SYN3: variants seen among roughly 807,000 people sequenced by gnomAD.
SYN3 encodes synapsin-3.
Under a neutral mutation model 65.8 loss-of-function variants are expected in SYN3, and 35 were observed. That is an observed-to-expected ratio of 0.53 (90% CI 0.41 to 0.70). The LOEUF is 0.70. SYN3 is among the 30% of genes least tolerant of loss of function. SYN3 has a pLI of 0.00. For missense variants in SYN3, 680 were observed against 749.0 expected (o/e 0.91, Z 1.08); for synonymous variants, 270 against 292.9 (o/e 0.92, Z 0.80).
At chr22:32,737,746 G>A (rs5998604) in intron 6 of SYN3, among the ~76,000 whole-genome samples, 51,892 of 151,774 alleles carry the variant, frequency 0.34, 8,859 homozygotes, top group South Asian at 0.45. Context: ...ATATCTCCCA[G>A]TGCTCCTCTC....
At chr22:32,850,101 C>T (rs748021683) in intron 6 of SYN3, among the ~76,000 whole-genome samples, 1 of 149,508 alleles carries the variant, frequency 6.7e-6, no homozygotes, top group African/African-American at 2.5e-5. Context: ...CTTCTTGCAT[C>T]CTAGATAGTT....
At chr22:32,995,963 C>T (rs946689453) in intron 2 of SYN3, among the ~76,000 whole-genome samples, 1 of 151,910 alleles carries the variant, frequency 6.6e-6, no homozygotes, top group African/African-American at 2.4e-5. Flanking sequence ...TTTTTTTCCC[C>T]CTGAAGGAAA....
chr22:32,834,764 TATG>T (rs2047680845), intron 6 of SYN3, among the ~76,000 whole-genome samples: 1 of 152,024 alleles, frequency 6.6e-6, no homozygotes. Context: ...ACCCAGAAAA[TATG>T]ATTCCTATCT....
chr22:32,800,116 AC>A (rs1030594121), intron 6 of SYN3, among the ~76,000 whole-genome samples: 1 of 152,216 alleles, frequency 6.6e-6, no homozygotes, highest in Non-Finnish European at 1.5e-5. Flanking sequence ...ACCATCTCTC[AC>A]GAATTCTTCG....
intron 7 of SYN3, among the ~76,000 whole-genome samples, chr22:32,580,312 GGT>G (rs1569059467): frequency 6.6e-6 from 1 of 152,172 alleles, no homozygotes; most frequent in Non-Finnish European, 1.5e-5. Flanking sequence ...CACCTTCTGT[GGT>G]TTCAGTTACT....
rs2057672005 is a variant in SYN3 at position 32,509,777 on chromosome 22, C to T, written c.*3915G>A. On this transcript the variant is annotated 3_prime_UTR_variant, in exon 14 of 14. Transcript: ENST00000358763. ...TAGAGATGGGGTTTCACCGTGTTAG[C>T]CAGGATGGTCTCGATCTCCTGACCT... Among the ~76,000 whole-genome samples, 1 of 152,154 alleles carries T rather than the reference C, an allele frequency of 6.6e-6. No individual in the cohort carries two copies. Among genetic ancestry groups the T allele is most frequent in the Non-Finnish European group, 1.5e-5 (1 of 68,028 alleles).
At chr22:32,953,091 T>C (rs1156488152) in intron 3 of SYN3, among the ~76,000 whole-genome samples, 2 of 152,208 alleles carry the variant, frequency 1.3e-5, no homozygotes, top group Admixed American at 6.5e-5. Flanking sequence ...CACAACAACA[T>C]TGATAGAAGC....
At chr22:32,920,465 G>T (rs2050307695) in intron 4 of SYN3, among the ~76,000 whole-genome samples, 1 of 152,158 alleles carries the variant, frequency 6.6e-6, no homozygotes, top group Admixed American at 6.5e-5. Context: ...TGTCTGGGTT[G>T]CGCTTAAGCA....
At chr22:32,648,698 T>G in intron 6 of SYN3, among the ~76,000 whole-genome samples, 1 of 152,182 alleles carries the variant, frequency 6.6e-6, no homozygotes, top group East Asian at 1.9e-4. Flanking sequence ...AGCTGTAAAA[T>G]GGGAACGTAC....
At chr22:32,572,441 T>C in intron 7 of SYN3, among the ~76,000 whole-genome samples, 1 of 108,346 alleles carries the variant, frequency 9.2e-6, no homozygotes, top group East Asian at 3.0e-4. Context: ...CTTCCTTCCC[T>C]CCTTCCTTTC....
chr22:32,594,901 C>T (rs2059177295), intron 7 of SYN3, among the ~76,000 whole-genome samples: 1 of 152,082 alleles, frequency 6.6e-6, no homozygotes, highest in Non-Finnish European at 1.5e-5. Flanking sequence ...TCTGGGTGGG[C>T]CTACTCAAAG....
chr22:32,753,961 C>T (rs1407053865), intron 6 of SYN3, among the ~76,000 whole-genome samples: 1 of 152,242 alleles, frequency 6.6e-6, no homozygotes, highest in Non-Finnish European at 1.5e-5. Flanking sequence ...GTAGGCAGCA[C>T]AGCAGTGGTC....
intron 4 of SYN3, among the ~76,000 whole-genome samples, chr22:32,917,071 C>T (rs1441310262): frequency 1.3e-5 from 2 of 152,164 alleles, no homozygotes; most frequent in Non-Finnish European, 2.9e-5. Context: ...GTAGAGGGAA[C>T]ATTCAGAGAG....
intron 6 of SYN3, among the ~76,000 whole-genome samples, chr22:32,739,174 A>AGGGG (rs201178182): frequency 8.8e-4 from 129 of 146,198 alleles, no homozygotes; most frequent in East Asian, 3.2e-3. Flanking sequence ...ATTGAATCAC[A>AGGGG]GGGGGGGGGC....
intron 3 of SYN3, among the ~76,000 whole-genome samples, chr22:32,938,949 A>AAAAT (rs2050859404): frequency 6.8e-6 from 1 of 147,212 alleles, no homozygotes; most frequent in Non-Finnish European, 1.5e-5. Context: ...AAAAAAAGTG[A>AAAAT]AGGCACAATA....
chr22:32,823,480 G>A (rs1490385730), intron 6 of SYN3, among the ~76,000 whole-genome samples: 1 of 152,168 alleles, frequency 6.6e-6, no homozygotes, highest in East Asian at 1.9e-4. Flanking sequence ...GGCCGTCTGT[G>A]TCCCAGCCCC....
intron 6 of SYN3, among the ~76,000 whole-genome samples, chr22:32,679,048 CTTTTTTTTTTTTTT>C (rs145971116): frequency 1.2e-5 from 1 of 85,658 alleles, no homozygotes; most frequent in East Asian, 4.0e-4. Context: ...TTGTTTCTTT[CTTTTTTTTTTTTTT>C]TTTTTTTTGA....
At chr22:33,050,417 G>A (rs2054144033) in intron 1 of SYN3, among the ~76,000 whole-genome samples, 1 of 150,724 alleles carries the variant, frequency 6.6e-6, no homozygotes, top group African/African-American at 2.4e-5. Flanking sequence ...GGGAGGTGGA[G>A]GTTGCAGTGA....
chr22:32,630,119 G>A (rs747802034), intron 6 of SYN3, among the ~76,000 whole-genome samples: 16 of 151,832 alleles, frequency 1.1e-4, no homozygotes, highest in Non-Finnish European at 2.1e-4. Context: ...AAGTAGCTGG[G>A]ACTACCGGCG....
Sources: allele counts gnomAD v4.1 joint callset (sites outside exome capture counted in the v4.1 genomes callset), GRCh38; gene constraint gnomAD v4.1.1; transcripts MANE v1.5; gene names NCBI Gene and HGNC (gene_info 2026-07-23, HGNC 2026-07-21).